Variants in GRIK2 observed in about 807,000 individuals in gnomAD.
The protein encoded by GRIK2 is glutamate ionotropic receptor kainate type subunit 2.
Under a neutral mutation model 100.3 loss-of-function variants are expected in GRIK2, and 32 were observed. That is an observed-to-expected ratio of 0.32 (90% CI 0.24 to 0.43). GRIK2 has a LOEUF of 0.43. Ranked by LOEUF, GRIK2 falls within the 20% of genes least tolerant of loss-of-function variation. The probability of loss-of-function intolerance (pLI) is 1.00; values close to 1 mark genes in which losing one functional copy is unlikely to be tolerated. For synonymous variants in GRIK2, 417 were observed against 389.4 expected (o/e 1.07, Z -0.83); for missense variants, 843 against 1,114.9 (o/e 0.76, Z 3.47).
At chr6:101,583,321 A>G (rs2128303762) in intron 2 of GRIK2, among the ~76,000 whole-genome samples, 1 of 152,274 alleles carries the variant, frequency 6.6e-6, no homozygotes, top group Admixed American at 6.5e-5. Flanking sequence ...AGTCAGGAAG[A>G]TGCACCAACT....
intron 10 of GRIK2, among the ~76,000 whole-genome samples, chr6:101,823,164 A>T (rs1782069808): frequency 6.6e-6 from 1 of 152,086 alleles, no homozygotes; most frequent in African/African-American, 2.4e-5. Flanking sequence ...TTAAACTATA[A>T]TCTCAGATTC....
chr6:101,579,044 A>C (rs538897135), intron 2 of GRIK2, among the ~76,000 whole-genome samples: 1 of 152,284 alleles, frequency 6.6e-6, no homozygotes, highest in Admixed American at 6.5e-5. Context: ...TAAATAAATA[A>C]AGTAAATGTA....
chr6:101,516,994 C>T (rs1323983946), intron 2 of GRIK2, among the ~76,000 whole-genome samples: 1 of 152,094 alleles, frequency 6.6e-6, no homozygotes. Flanking sequence ...TGGGCAAATT[C>T]TCAGGTCACT....
intron 2 of GRIK2, among the ~76,000 whole-genome samples, chr6:101,561,593 C>A (rs1562227370): frequency 1.3e-5 from 2 of 151,598 alleles, no homozygotes; most frequent in African/African-American, 2.4e-5. Flanking sequence ...GTATGCATAT[C>A]AAAATATTAC....
Position 101,753,108 on chromosome 6 carries a change from C to G in GRIK2, c.952-46540C>G, listed in dbSNP as rs1776891950. ...AGGAAATCGAGACCACGGTGAAACC[C>G]AGTCTCTACTAAAAATACAAAAAAT... On this transcript the variant is annotated intron_variant, in intron 7 of 16. Transcript: ENST00000369134. Among the ~76,000 whole-genome samples the G allele has an allele frequency of 5.9e-5, 9 of 152,008 alleles. 1 individual carries two copies. In the South Asian group the frequency reaches 1.9e-3, roughly 31 times the overall value.
At chr6:101,634,547 A>T (rs1243481017) in intron 4 of GRIK2, among the ~76,000 whole-genome samples, 1 of 152,088 alleles carries the variant, frequency 6.6e-6, no homozygotes, top group Non-Finnish European at 1.5e-5. Flanking sequence ...TGTGCCCTTC[A>T]TTTGAACTTC....
At chr6:101,948,898 G>A (rs1310695311) in intron 14 of GRIK2, among the ~76,000 whole-genome samples, 1 of 152,040 alleles carries the variant, frequency 6.6e-6, no homozygotes, top group African/African-American at 2.4e-5. Flanking sequence ...ATTTGCACCT[G>A]GGCACATTTA....
At chr6:101,540,412 AAC>A (rs924855815) in intron 2 of GRIK2, among the ~76,000 whole-genome samples, 53 of 152,122 alleles carry the variant, frequency 3.5e-4, no homozygotes, top group African/African-American at 1.2e-3. Context: ...GACTGTTTGT[AAC>A]ACAAAGCATA....
chr6:101,592,808 A>G (rs1778736898), intron 2 of GRIK2, among the ~76,000 whole-genome samples: 1 of 151,458 alleles, frequency 6.6e-6, no homozygotes, highest in East Asian at 2.0e-4. Context: ...ATGGCCACTG[A>G]TGTCTCATTG....
chr6:101,966,966 A>G (rs1193530557), intron 14 of GRIK2, among the ~76,000 whole-genome samples: 2 of 152,084 alleles, frequency 1.3e-5, no homozygotes, highest in Non-Finnish European at 2.9e-5. Context: ...CATGATAAGT[A>G]ACTCAATGTA....
chr6:101,985,699 T>A (rs894945906), intron 14 of GRIK2, among the ~76,000 whole-genome samples: 1 of 151,766 alleles, frequency 6.6e-6, no homozygotes, highest in African/African-American at 2.4e-5. Flanking sequence ...GAAGGTATAA[T>A]CCAGAATAGT....
chr6:101,803,544 A>G (rs1780804270), intron 9 of GRIK2, among the ~76,000 whole-genome samples: 1 of 151,850 alleles, frequency 6.6e-6, no homozygotes, highest in Non-Finnish European at 1.5e-5. Flanking sequence ...TCCCTTCCTA[A>G]CTGTCTCACT....
chr6:101,665,258 C>T (rs550398547), intron 4 of GRIK2, among the ~76,000 whole-genome samples: 1 of 152,116 alleles, frequency 6.6e-6, no homozygotes, highest in Non-Finnish European at 1.5e-5. Flanking sequence ...TACTGCTTCC[C>T]CCATCCAGAA....
chr6:101,410,711 A>G (rs962465536), intron 2 of GRIK2, among the ~76,000 whole-genome samples: 2 of 152,142 alleles, frequency 1.3e-5, no homozygotes, highest in Non-Finnish European at 2.9e-5. Flanking sequence ...CAATGTATAA[A>G]TACTCTGTAC....
Position 101,807,471 on chromosome 6 carries a change from A to G in GRIK2, c.1203+5033A>G, listed in dbSNP as rs115996343. Among the ~76,000 whole-genome samples the G allele has an allele frequency of 4.1e-3, 617 of 152,116 alleles. 4 individuals are homozygous for G. The highest frequency in any genetic ancestry group is 0.014 in the African/African-American group (586 of 41,524). On this transcript the variant is annotated intron_variant, in intron 9 of 16. Transcript: ENST00000369134. ...GCTCACCCAAATGAGAACAAGTGGA[A>G]GTTACTATTCAGAACTTACTACAGG...
intron 2 of GRIK2, among the ~76,000 whole-genome samples, chr6:101,574,546 C>CA (rs71654810): frequency 6.6e-6 from 1 of 150,658 alleles, no homozygotes; most frequent in Non-Finnish European, 1.5e-5. Flanking sequence ...TATACCATGG[C>CA]AAAAAAATTG....
At chr6:101,686,050 G>C (rs1314615806) in intron 6 of GRIK2, 130 bp from the exon 7 acceptor site, 1 of 590,114 alleles carries the variant, frequency 1.7e-6, no homozygotes, top group East Asian at 2.8e-5. Context: ...GGTGATTTGT[G>C]ATGTTTAACG....
intron 2 of GRIK2, among the ~76,000 whole-genome samples, chr6:101,566,947 A>G (rs2128297682): frequency 6.6e-6 from 1 of 150,894 alleles, no homozygotes; most frequent in East Asian, 1.9e-4. Context: ...ACAAATATAA[A>G]TGTAATAGAC....
chr6:101,891,979 C>A (rs1787130341), intron 12 of GRIK2, among the ~76,000 whole-genome samples: 1 of 152,118 alleles, frequency 6.6e-6, no homozygotes, highest in South Asian at 2.1e-4. Context: ...GCCTAGAAAA[C>A]TCTTCAGCCA....
Sources: gnomAD v4.1 joint callset for allele counts (sites outside exome capture counted in the v4.1 genomes callset) on GRCh38, gnomAD v4.1.1 for gene constraint, MANE v1.5 for transcripts, NCBI Gene and HGNC (gene_info 2026-07-23, HGNC 2026-07-21) for gene names.